Variants in MLLT10 observed in about 807,000 individuals in gnomAD.
MLLT10 encodes the protein MLLT10 histone lysine methyltransferase DOT1L cofactor, also known as protein AF-10.
In MLLT10, 30 loss-of-function variants were observed where a neutral mutation model predicts 129.1. The observed-to-expected ratio is 0.23, with a 90% CI of 0.17 to 0.32. MLLT10 has a LOEUF of 0.32. MLLT10 is among the 10% of genes least tolerant of loss of function. MLLT10 has a pLI of 1.00. For missense variants in MLLT10, 1,119 were observed against 1,268.3 expected (o/e 0.88, Z 1.79); for synonymous variants, 490 against 446.4 (o/e 1.10, Z -1.23).
intron 5 of MLLT10, among the ~76,000 whole-genome samples, chr10:21,600,587 A>G (rs889130195): frequency 6.6e-6 from 1 of 152,218 alleles, no homozygotes; most frequent in African/African-American, 2.4e-5. Flanking sequence ...AGCATTGAAT[A>G]TATTTGCATT....
intron 8 of MLLT10, among the ~76,000 whole-genome samples, chr10:21,621,746 G>A (rs1443697252): frequency 6.6e-6 from 1 of 152,132 alleles, no homozygotes; most frequent in African/African-American, 2.4e-5. Context: ...GGGCCCGTGG[G>A]GTGAAAGAGA....
chr10:21,672,037 G>C (rs527258474), intron 10 of MLLT10, among the ~76,000 whole-genome samples: 1 of 152,312 alleles, frequency 6.6e-6, no homozygotes, highest in East Asian at 1.9e-4. Flanking sequence ...TTTTTTAGTA[G>C]ATAAACAAAT....
At chr10:21,660,565 G>A (rs1047256734) in intron 9 of MLLT10, among the ~76,000 whole-genome samples, 2 of 133,050 alleles carry the variant, frequency 1.5e-5, no homozygotes, top group Admixed American at 7.9e-5. Flanking sequence ...GCAGTGACCC[G>A]AGATCTCACC....
chr10:21,641,475 C>A (rs773539051), intron 8 of MLLT10, among the ~76,000 whole-genome samples: 1 of 151,888 alleles, frequency 6.6e-6, no homozygotes, highest in Non-Finnish European at 1.5e-5. Flanking sequence ...AGAAAGAGAC[C>A]CTGTCTGTAT....
chr10:21,625,616 A>G (rs569890007), intron 8 of MLLT10: 2 of 757,074 alleles, frequency 2.6e-6, no homozygotes, highest in Non-Finnish European at 2.5e-6. Context: ...ATCATAGAGA[A>G]TGACGTCCAC....
chr10:21,617,480 CT>C (rs2045377047), intron 8 of MLLT10, among the ~76,000 whole-genome samples: 2 of 152,096 alleles, frequency 1.3e-5, no homozygotes, highest in African/African-American at 4.8e-5. Context: ...CTTGCGAAAT[CT>C]TTAGGTGACT....
intron 3 of MLLT10, among the ~76,000 whole-genome samples, chr10:21,580,035 A>G (rs1410350978): frequency 6.9e-6 from 1 of 145,684 alleles, no homozygotes; most frequent in East Asian, 2.0e-4. Flanking sequence ...TTTTTTTTTA[A>G]TTTGAGATCA....
intron 3 of MLLT10, among the ~76,000 whole-genome samples, chr10:21,571,295 G>A (rs2040176148): frequency 6.6e-6 from 1 of 152,224 alleles, no homozygotes; most frequent in Admixed American, 6.5e-5. Flanking sequence ...GTTCTAGGGT[G>A]AGCCTTTGTA....
At chr10:21,690,828 A>G (rs2053781330) in intron 13 of MLLT10, among the ~76,000 whole-genome samples, 1 of 152,008 alleles carries the variant, frequency 6.6e-6, no homozygotes, top group African/African-American at 2.4e-5. Flanking sequence ...TCGTTTTCAA[A>G]ACTCTTCTTT....
At chr10:21,671,377 C>G (rs151012550) in intron 10 of MLLT10, among the ~76,000 whole-genome samples, 1 of 152,038 alleles carries the variant, frequency 6.6e-6, no homozygotes, top group Non-Finnish European at 1.5e-5. Flanking sequence ...TAAGGTTGGC[C>G]GGGCGTGGTG....
intron 9 of MLLT10, among the ~76,000 whole-genome samples, chr10:21,668,245 G>C (rs2051030559): frequency 6.6e-6 from 1 of 152,098 alleles, no homozygotes; most frequent in African/African-American, 2.4e-5. Flanking sequence ...ACAAGATTTT[G>C]TGAATTTAGT....
intron 9 of MLLT10, among the ~76,000 whole-genome samples, chr10:21,656,818 G>A (rs1180752956): frequency 6.6e-6 from 1 of 152,038 alleles, no homozygotes; most frequent in Non-Finnish European, 1.5e-5. Flanking sequence ...GTTATCAGAG[G>A]GAGTAAAAGT....
chr10:21,663,033 A>T (rs1324992878), intron 9 of MLLT10, among the ~76,000 whole-genome samples: 1 of 152,180 alleles, frequency 6.6e-6, no homozygotes, highest in Non-Finnish European at 1.5e-5. Context: ...GGATCTGGTT[A>T]AATAGTTAAA....
chr10:21,727,605 A>G (rs1003007844), intron 15 of MLLT10, among the ~76,000 whole-genome samples: 1 of 152,206 alleles, frequency 6.6e-6, no homozygotes, highest in Non-Finnish European at 1.5e-5. Context: ...TGTGCTGTAA[A>G]ATTGAAAGGA....
chr10:21,553,094 G>T (rs1219809581), intron 3 of MLLT10, among the ~76,000 whole-genome samples: 1 of 151,982 alleles, frequency 6.6e-6, no homozygotes, highest in African/African-American at 2.4e-5. Flanking sequence ...CTACTCCCCT[G>T]TTTCTTTATA....
intron 3 of MLLT10, among the ~76,000 whole-genome samples, chr10:21,563,662 G>T (rs2039146070): frequency 6.6e-6 from 1 of 152,034 alleles, no homozygotes; most frequent in East Asian, 1.9e-4. Context: ...TTTGCTGAAA[G>T]ATAATCTCAG....
Position 21,728,008 on chromosome 10 carries a change from G to A in MLLT10, c.2063+80G>A, listed in dbSNP as rs753101892. On this transcript the variant is annotated intron_variant, in intron 16 of 22. Transcript: ENST00000307729. ...AACTTTCTTATCTCATATCAGTAGAGTGTACATTTGTGAGGCTATAAAAGC... is the reference window on the plus strand; with the variant it reads ...AACTTTCTTATCTCATATCAGTAGAATGTACATTTGTGAGGCTATAAAAGC... 1.6e-4 allele frequency: 182 copies of A among 1,112,680 alleles called. 1 individual carries two copies. Among genetic ancestry groups the A allele is most frequent in the South Asian group, 5.9e-4 (42 of 70,852 alleles). The allele number at this position is 1,112,680 out of a possible 1,614,324, so 68.9% of individuals were successfully genotyped here.
chr10:21,626,964 G>A, intron 8 of MLLT10, among the ~76,000 whole-genome samples: 1 of 152,170 alleles, frequency 6.6e-6, no homozygotes, highest in East Asian at 1.9e-4. Flanking sequence ...GAAGAGGCTA[G>A]TTTATGAAGA....
intron 4 of MLLT10, among the ~76,000 whole-genome samples, chr10:21,594,181 G>C (rs2042789068): frequency 6.6e-6 from 1 of 151,816 alleles, no homozygotes; most frequent in Non-Finnish European, 1.5e-5. Flanking sequence ...AAACGAGAGG[G>C]GTTTACTTGT....
Sources: gnomAD v4.1 joint callset for allele counts (sites outside exome capture counted in the v4.1 genomes callset) on GRCh38, gnomAD v4.1.1 for gene constraint, MANE v1.5 for transcripts, NCBI Gene and HGNC (gene_info 2026-07-23, HGNC 2026-07-21) for gene names.